The following ADAT2 variants were observed in gnomAD, a reference collection of about 807,000 sequenced individuals.
The protein encoded by ADAT2 is tRNA-specific adenosine-34 deaminase catalytic subunit ADAT2.
In ADAT2, 26 loss-of-function variants were observed where a neutral mutation model predicts 25.9. The ratio of observed to expected loss-of-function variants is 1.00; its 90% CI spans 0.74 to 1.39. The LOEUF (loss-of-function observed/expected upper bound fraction) is 1.39. Among genes scored for constraint, ADAT2 ranks in the 40% most tolerant of loss-of-function variants. The probability of loss-of-function intolerance (pLI) is 0.00; values close to 1 mark genes in which losing one functional copy is unlikely to be tolerated. For synonymous variants in ADAT2, 76 were observed against 86.8 expected, an observed-to-expected ratio of 0.88 and a Z score of 0.69; for missense variants, 220 against 244.8, an observed-to-expected ratio of 0.90 and a Z score of 0.68.
In ADAT2 at chr6:143,442,298, G is replaced by T. The variant is rs1474272416; in HGVS notation, c.97-3604C>A. Among the ~76,000 whole-genome samples the T allele has an allele frequency of 6.6e-6, 1 of 152,124 alleles. No homozygotes were observed. Among genetic ancestry groups the T allele is most frequent in the African/African-American group, 2.4e-5 (1 of 41,414 alleles). ...ATGGGAATCATGCTGAATGGAGAAA[G>T]CCAAGCCAAATGGTTACAGATTCAT... On this transcript the variant is annotated intron_variant, in intron 1 of 5. Transcript: ENST00000237283. The surrounding 1 kb of genome is among the most constrained non-coding windows in gnomAD (Gnocchi z 4.6).
rs1247851611 is a variant in ADAT2 at position 143,434,616 on chromosome 6, C to CAT, written c.202-636_202-635insAT. On this transcript the variant is annotated intron_variant, in intron 2 of 5. Transcript: ENST00000237283. This position sits in a 1 kb window ranked among gnomAD's most constrained non-coding sequence, Gnocchi z 4.5. ...ACATTACCAATTATGTGGACTTACG[C>CAT]AAGTAACTTAACTTCTGTAAGTCTA... is the stretch of plus-strand genomic sequence containing the variant. Among the ~76,000 whole-genome samples, 2 of 152,166 alleles carry CAT rather than the reference C, an allele frequency of 1.3e-5. No individual in the cohort carries two copies. The highest frequency in any genetic ancestry group is 2.9e-5 in the Non-Finnish European group (2 of 68,034).
At chr6:143,435,967 G>A (rs1416045432) in intron 2 of ADAT2, among the ~76,000 whole-genome samples, 1 of 152,000 alleles carries the variant, frequency 6.6e-6, no homozygotes, top group African/African-American at 2.4e-5. Context: ...TACCCTGGCA[G>A]TTATAATACT....
In ADAT2 at chr6:143,427,114, C is replaced by CACAT. The variant is rs935713305; in HGVS notation, c.*1348_*1349insATGT. The CACAT allele has an allele frequency of 6.6e-6, 1 of 152,234 alleles. No individual in the cohort carries two copies. The highest frequency in any genetic ancestry group is 1.5e-5 in the Non-Finnish European group (1 of 68,070). The allele number at this position is 152,234 out of a possible 1,614,324, so 9.4% of individuals were successfully genotyped here. A position where few individuals can be genotyped will look rare whatever the true frequency, so the allele number is the denominator to read the frequency against. ...GCAGTTAAACACACACACACACACA[C>CACAT]ACACACACACACACACACACAAAAC... On this transcript the variant is annotated 3_prime_UTR_variant, in exon 6 of 6. Coordinates refer to ENST00000237283, the MANE Select transcript of ADAT2 (RefSeq NM_182503.3).
rs534352527 is a variant in ADAT2 at position 143,442,070 on chromosome 6, A to G, written c.97-3376T>C. The G allele has an allele frequency of 6.6e-6, 1 of 152,366 alleles. No homozygotes were observed. Among genetic ancestry groups the G allele is most frequent in the African/African-American group, 2.4e-5 (1 of 41,592 alleles). The allele number at this position is 152,366 out of a possible 1,614,324, so 9.4% of individuals were successfully genotyped here. ...CTTGGGCATTTATCCCAGAGAAATGAAAACCTATGCTCACACAATGTATGT... is the reference window on the plus strand; with the variant it reads ...CTTGGGCATTTATCCCAGAGAAATGGAAACCTATGCTCACACAATGTATGT... On this transcript the variant is annotated intron_variant, in intron 1 of 5. Transcript: ENST00000237283. The surrounding 1 kb of genome is among the most constrained non-coding windows in gnomAD (Gnocchi z 4.6).
rs2128737995 is a variant in ADAT2, at chr6:143,428,356, G to T, written c.*107C>A. 2.3e-6 allele frequency: 3 copies of T among 1,283,704 alleles called. No homozygotes were observed. Among genetic ancestry groups the T allele is most frequent in the Admixed American group, 4.5e-5 (2 of 44,676 alleles). The allele number at this position is 1,283,704 out of a possible 1,614,324, so 79.5% of individuals were successfully genotyped here. A position where few individuals can be genotyped will look rare whatever the true frequency, so the allele number is the denominator to read the frequency against. On this transcript the variant is annotated 3_prime_UTR_variant, in exon 6 of 6. Transcript: ENST00000237283. The surrounding 1 kb of genome is among the most constrained non-coding windows in gnomAD (Gnocchi z 5.0). ...TGATGAGAGACACCATTTTCCTGCA[G>T]ATTAAAAACAATATATAAACATATG... is the stretch of plus-strand genomic sequence containing the variant.
Position 143,428,663 on chromosome 6 carries a change from C to CAG in ADAT2, c.479_480dup (p.Glu161LeufsTer8). On this transcript the variant is annotated frameshift_variant, in exon 5 of 6. Coordinates refer to ENST00000237283, the MANE Select transcript of ADAT2 (RefSeq NM_182503.3). LOFTEE classifies it high-confidence loss of function. This position sits in a 1 kb window ranked among gnomAD's most constrained non-coding sequence, Gnocchi z 5.0. ...GTCTTTAACATTTCCACTGCTTCCTCAGCCCGATATCCAGGGATACACTGA... is the reference window on the plus strand; with the variant it reads ...GTCTTTAACATTTCCACTGCTTCCTCAGAGCCCGATATCCAGGGATACACTGA... 6.2e-7 allele frequency: 1 copy of CAG among 1,614,056 alleles called. No individual in the cohort carries two copies. Among genetic ancestry groups the CAG allele is most frequent in the Non-Finnish European group, 8.5e-7 (1 of 1,179,998 alleles).
chr6:143,448,257 T>TG (rs1315606815), intron 1 of ADAT2, among the ~76,000 whole-genome samples: 3 of 148,808 alleles, frequency 2.0e-5, no homozygotes, highest in Admixed American at 2.0e-4. Context: ...GTCATGGGGT[T>TG]GGGGGGAGAG....
In ADAT2 at chr6:143,436,822, C is replaced by T. The variant is rs1225779071; in HGVS notation, c.201+1768G>A. On this transcript the variant is annotated intron_variant, in intron 2 of 5. Transcript: ENST00000237283. This position sits in a 1 kb window ranked among gnomAD's most constrained non-coding sequence, Gnocchi z 4.1. ...GCACTTGCTGTTCTTGCTGTGTGTT[C>T]ACCTCTATTAAAGCATTTCCATAGT... 2 of 152,008 alleles carry T rather than the reference C, an allele frequency of 1.3e-5. No homozygotes were observed. The highest frequency in any genetic ancestry group is 3.9e-4 in the East Asian group (2 of 5,192). The allele number at this position is 152,008 out of a possible 1,614,324, so 9.4% of individuals were successfully genotyped here.
Position 143,428,618 on chromosome 6 carries a change from G to C in ADAT2, c.526C>G (p.Pro176Ala), listed in dbSNP as rs776907610. 2.5e-6 allele frequency: 4 copies of C among 1,613,880 alleles called. No homozygotes were observed. Among genetic ancestry groups the C allele is most frequent in the Non-Finnish European group, 8.5e-7 (1 of 1,179,962 alleles). Residue 176 changes from proline to alanine, a missense_variant, in exon 5 of 6, where the codon CCA (proline) becomes GCA (alanine). By Grantham distance (27) the Pro-to-Ala change is conservative (BLOSUM62 -1). Transcript: ENST00000237283. This position sits in a 1 kb window ranked among gnomAD's most constrained non-coding sequence, Gnocchi z 5.0. ...TCCACAACAGAAAACTGACCATTTG[G>C]ATTTTCTTGTTTGTAGAAGGTCTTT... ...MLKTFYKQENPNAPKSKVRKK... is the reference protein window; with the variant it reads ...MLKTFYKQENANAPKSKVRKK...
chr6:143,440,693 C>A lies in ADAT2; in HGVS notation c.97-1999G>T, dbSNP rs1289672298. On this transcript the variant is annotated intron_variant, in intron 1 of 5. Coordinates refer to ENST00000237283, the MANE Select transcript of ADAT2 (RefSeq NM_182503.3). This position sits in a 1 kb window ranked among gnomAD's most constrained non-coding sequence, Gnocchi z 4.5. The stretch of plus-strand genomic sequence containing the variant: ...AGTCCCGAGGTTTGGTTAATATAGA[C>A]AAATGCACCATAGGCTACTATAGAG... Among the ~76,000 whole-genome samples the A allele has an allele frequency of 6.6e-6, 1 of 152,120 alleles. No individual in the cohort carries two copies. The highest frequency in any genetic ancestry group is 1.9e-4 in the East Asian group (1 of 5,192).
At position 143,422,990 on chromosome 6, in the gene ADAT2, C is replaced by T. The variant is rs145562254; in HGVS notation, c.*5473G>A. On this transcript the variant is annotated 3_prime_UTR_variant, in exon 6 of 6. Coordinates refer to ENST00000237283, the MANE Select transcript of ADAT2 (RefSeq NM_182503.3). This position sits in a 1 kb window ranked among gnomAD's most constrained non-coding sequence, Gnocchi z 4.3. ...AGATTTTTCCTTTACATTTATAGAC[C>T]AACTTTTCAAAAGGAAAAAACAAAA... 2 of 152,036 alleles carry T rather than the reference C, an allele frequency of 1.3e-5. No homozygotes were observed. The highest frequency in any genetic ancestry group is 4.8e-5 in the African/African-American group (2 of 41,478). 9.4% of individuals were successfully genotyped at this position (152,036 alleles called of 1,614,324 possible). A position where few individuals can be genotyped will look rare whatever the true frequency, so the allele number is the denominator to read the frequency against.
chr6:143,428,285 T>G lies in ADAT2; in HGVS notation c.*178A>C. On this transcript the variant is annotated 3_prime_UTR_variant, in exon 6 of 6. Transcript: ENST00000237283. This position sits in a 1 kb window ranked among gnomAD's most constrained non-coding sequence, Gnocchi z 5.0. Reference sequence around the variant, plus strand: ...GGAAAAGCTAATAACTGTTTACAATTGTCAGACTTCTAAAAAGTGCTAATT... The same window carrying G: ...GGAAAAGCTAATAACTGTTTACAATGGTCAGACTTCTAAAAAGTGCTAATT... 3.1e-6 allele frequency: 2 copies of G among 650,174 alleles called. No homozygotes were observed. The highest frequency in any genetic ancestry group is 5.3e-6 in the Non-Finnish European group (2 of 380,900). 40.3% of individuals were successfully genotyped at this position (650,174 alleles called of 1,614,324 possible).
rs150930988 is a variant in ADAT2 at position 143,437,269 on chromosome 6, C to A, written c.201+1321G>T. On this transcript the variant is annotated intron_variant, in intron 2 of 5. Coordinates refer to ENST00000237283, the MANE Select transcript of ADAT2 (RefSeq NM_182503.3). The surrounding 1 kb of genome is among the most constrained non-coding windows in gnomAD (Gnocchi z 4.1). ...AAGCTTTCCCAGTGTTTGAACGTTT[C>A]CCATTCCCTAAAACTGTTCAAACAT... Among the ~76,000 whole-genome samples the A allele has an allele frequency of 1.8e-3, 276 of 152,288 alleles. No homozygotes were observed. The highest frequency in any genetic ancestry group is 6.4e-3 in the African/African-American group (268 of 41,570).
At position 143,428,625 on chromosome 6, in the gene ADAT2, T is replaced by C. The variant is rs9321905; in HGVS notation, c.519A>G (p.Gln173=). Residue 173 remains glutamine, a synonymous_variant, in exon 5 of 6, where the codon CAA becomes CAG. Transcript: ENST00000237283. The surrounding 1 kb of genome is among the most constrained non-coding windows in gnomAD (Gnocchi z 5.0). Reference sequence around the variant, plus strand: ...CAGAAAACTGACCATTTGGATTTTCTTGTTTGTAGAAGGTCTTTAACATTT... The same window carrying C: ...CAGAAAACTGACCATTTGGATTTTCCTGTTTGTAGAAGGTCTTTAACATTT... ...AVEMLKTFYK[Q]ENPNAPKSKV... is the part of the protein sequence containing the mutation. 1,507 of 1,614,102 alleles carry C rather than the reference T, an allele frequency of 9.3e-4. 9 individuals are homozygous for C. The African/African-American group carries it at 0.012, about 13-fold the overall frequency.
chr6:143,450,354 T>C (rs1442998038), intron 1 of ADAT2, among the ~76,000 whole-genome samples: 7 of 152,014 alleles, frequency 4.6e-5, no homozygotes, highest in African/African-American at 1.5e-4. Flanking sequence ...AACAAATAAT[T>C]TGTGTATTTC....
rs1217495728 is a variant in ADAT2, at chr6:143,425,777, G to GTGTGTA, written c.*2685_*2686insTACACA. The stretch of plus-strand genomic sequence containing the variant: ...TGTGTGTGTGTGTGTGTGTGTGTGT[G>GTGTGTA]TATTTTATATATATATACTTTTCCC... On this transcript the variant is annotated 3_prime_UTR_variant, in exon 6 of 6. Coordinates refer to ENST00000237283, the MANE Select transcript of ADAT2 (RefSeq NM_182503.3). 1.4e-5 allele frequency: 2 copies of GTGTGTA among 141,136 alleles called. No individual in the cohort carries two copies. Among genetic ancestry groups the GTGTGTA allele is most frequent in the African/African-American group, 2.6e-5 (1 of 38,008 alleles). 8.7% of individuals were successfully genotyped at this position (141,136 alleles called of 1,614,324 possible).
rs1395239958 is a variant in ADAT2, at chr6:143,434,215, G to T, written c.202-234C>A. Among the ~76,000 whole-genome samples, 1 of 152,098 alleles carries T rather than the reference G, an allele frequency of 6.6e-6. No individual in the cohort carries two copies. The highest frequency in any genetic ancestry group is 2.4e-5 in the African/African-American group (1 of 41,412). On this transcript the variant is annotated intron_variant, in intron 2 of 5. Coordinates refer to ENST00000237283, the MANE Select transcript of ADAT2 (RefSeq NM_182503.3). The surrounding 1 kb of genome is among the most constrained non-coding windows in gnomAD (Gnocchi z 4.5). Reference sequence around the variant, plus strand: ...CCACAGGAATCATGCTGTATTTTTAGTTAAGTACCTAAGTACCTTAGGGAA... The same window carrying T: ...CCACAGGAATCATGCTGTATTTTTATTTAAGTACCTAAGTACCTTAGGGAA...
chr6:143,435,225 G>T (rs930996911), intron 2 of ADAT2, among the ~76,000 whole-genome samples: 1 of 150,076 alleles, frequency 6.7e-6, no homozygotes, highest in Non-Finnish European at 1.5e-5. Context: ...TAGAATTATG[G>T]AATCAAATCT....
intron 3 of ADAT2, among the ~76,000 whole-genome samples, chr6:143,433,439 G>A (rs891345580): frequency 2.0e-5 from 3 of 151,858 alleles, no homozygotes; most frequent in African/African-American, 7.3e-5. Flanking sequence ...AAACCAACCA[G>A]ATAAACAGAG....
Sources: gnomAD v4.1 joint callset for allele counts (sites outside exome capture counted in the v4.1 genomes callset) on GRCh38, gnomAD v4.1.1 for gene constraint, Gnocchi (gnomAD v3.1) non-coding constraint, MANE v1.5 for transcripts, NCBI Gene and HGNC (gene_info 2026-07-23, HGNC 2026-07-21) for gene names.